PUDP: variants seen among roughly 807,000 people sequenced by gnomAD.
PUDP encodes pseudouridine 5'-phosphatase.
PUDP carries 8 observed loss-of-function variants against 9.4 expected under a neutral mutation model. The observed-to-expected ratio is 0.85, with a 90% CI of 0.50 to 1.53. PUDP has a LOEUF of 1.53. Ranked by LOEUF, PUDP falls within the 40% of genes most tolerant of loss-of-function variation. The probability of loss-of-function intolerance (pLI) is 0.00; values close to 1 mark genes in which losing one functional copy is unlikely to be tolerated. For missense variants in PUDP, 188 were observed against 189.7 expected, an observed-to-expected ratio of 0.99 and a Z score of 0.05; for synonymous variants, 99 against 80.7, an observed-to-expected ratio of 1.23 and a Z score of -1.22.
At chrX:6,714,640 TGATA>T (rs992762186) in intron 1 of PUDP, among the ~76,000 whole-genome samples, 2 of 110,954 alleles carry the variant, frequency 1.8e-5, no homozygotes, top group Non-Finnish European at 3.8e-5. Context: ...GATGATAGAA[TGATA>T]GATAAATGGA....
At chrX:7,061,295 G>T (rs761475162) in intron 3 of PUDP, among the ~76,000 whole-genome samples, 1 of 111,463 alleles carries the variant, frequency 9.0e-6, no homozygotes, top group African/African-American at 3.3e-5. Flanking sequence ...CCCATAACAT[G>T]TTATAATAAC....
At chrX:6,984,446 G>A (rs1054459352) in intron 1 of PUDP, among the ~76,000 whole-genome samples, 6 of 111,881 alleles carry the variant, frequency 5.4e-5, no homozygotes, top group Non-Finnish European at 1.1e-4. Flanking sequence ...TATTTTTTAA[G>A]GAAAAATATA....
intron 3 of PUDP, among the ~76,000 whole-genome samples, chrX:6,733,648 GA>G (rs1477238100): frequency 4.5e-5 from 5 of 110,240 alleles, no homozygotes; most frequent in Non-Finnish European, 9.5e-5. Context: ...AAGGGTGAAG[GA>G]AAGGTTTGGC....
chrX:6,913,576 G>A (rs1302670493), intron 3 of PUDP, among the ~76,000 whole-genome samples: 1 of 111,403 alleles, frequency 9.0e-6, no homozygotes, highest in Non-Finnish European at 1.9e-5. Context: ...TCTTTCAAAA[G>A]AGCATTGTTT....
chrX:7,106,144 T>C (rs1298248848), intron 1 of PUDP, among the ~76,000 whole-genome samples: 1 of 112,739 alleles, frequency 8.9e-6, no homozygotes, highest in African/African-American at 3.2e-5. Context: ...AAATATATCC[T>C]TGGAATGGTC....
intron 3 of PUDP, among the ~76,000 whole-genome samples, chrX:6,803,107 T>TAAAATAAAATAAAACAAAAC (rs1925990570): frequency 4.1e-5 from 4 of 98,520 alleles, no homozygotes; most frequent in Non-Finnish European, 8.1e-5. Context: ...TAAAATAAAA[T>TAAAATAAAATAAAACAAAAC]AAAATAAAAT....
intron 1 of PUDP, among the ~76,000 whole-genome samples, chrX:7,138,213 G>A (rs748058654): frequency 2.1e-4 from 23 of 111,347 alleles, no homozygotes; most frequent in African/African-American, 6.9e-4. Context: ...CTGGTGTCTC[G>A]ATAACCATCC....
intron 1 of PUDP, among the ~76,000 whole-genome samples, chrX:7,031,762 T>C (rs372733980): frequency 1.8e-5 from 2 of 112,252 alleles, no homozygotes; most frequent in African/African-American, 6.5e-5. Flanking sequence ...TGAACTTTGA[T>C]CCCTTACCCC....
chrX:6,860,475 G>T (rs55936520), intron 3 of PUDP, among the ~76,000 whole-genome samples: 7,065 of 96,909 alleles, frequency 0.073, 486 homozygotes, highest in East Asian at 0.4. Flanking sequence ...TTTGTTTTTT[G>T]TTTTTTGTTT....
intron 1 of PUDP, among the ~76,000 whole-genome samples, chrX:7,007,966 T>TA (rs1057098390): frequency 9.2e-6 from 1 of 108,163 alleles, no homozygotes; most frequent in Non-Finnish European, 1.9e-5. Context: ...ATAATAAAAT[T>TA]TTTTTTTTCT....
intron 3 of PUDP, among the ~76,000 whole-genome samples, chrX:6,855,535 C>G (rs1434487550): frequency 8.9e-6 from 1 of 111,734 alleles, no homozygotes; most frequent in African/African-American, 3.3e-5. Context: ...CCCCCAATCC[C>G]CATTAGATAC....
intron 1 of PUDP, among the ~76,000 whole-genome samples, chrX:6,707,721 C>T (rs186378588): frequency 5.5e-4 from 62 of 111,737 alleles, no homozygotes; most frequent in Admixed American, 1.1e-3. Context: ...CCTCACTAGC[C>T]CGCCACTCAT....
chrX:7,005,125 C>G (rs1246635441), intron 1 of PUDP, among the ~76,000 whole-genome samples: 1 of 111,121 alleles, frequency 9.0e-6, no homozygotes, highest in East Asian at 2.8e-4. Context: ...CTGCCTGGAG[C>G]AGCGCTAAGT....
At chrX:6,768,495 G>A (rs1454226750) in intron 3 of PUDP, among the ~76,000 whole-genome samples, 2 of 112,058 alleles carry the variant, frequency 1.8e-5, no homozygotes, top group Non-Finnish European at 3.8e-5. Context: ...CAGGATTGTA[G>A]GGAAAATTAA....
At chrX:7,077,144 T>C in intron 3 of PUDP, 76 bp downstream of exon 3, 1 of 1,140,516 alleles carries the variant, frequency 8.8e-7, no homozygotes, top group South Asian at 2.1e-5. Flanking sequence ...CTTTTCACAT[T>C]TAGCAAACAC....
At chrX:6,798,414 C>A (rs1345717167) in intron 3 of PUDP, among the ~76,000 whole-genome samples, 1 of 111,759 alleles carries the variant, frequency 8.9e-6, no homozygotes, top group Non-Finnish European at 1.9e-5. Flanking sequence ...CACAGCCAAA[C>A]CATATCATGT....
At chrX:6,992,333 C>T (rs750424243) in intron 1 of PUDP, among the ~76,000 whole-genome samples, 16 of 64,281 alleles carry the variant, frequency 2.5e-4, no homozygotes, top group Admixed American at 6.3e-4. Context: ...AGTGCAGTGG[C>T]GCAATCTCGG....
At chrX:6,753,526 T>C (rs1925132344) in intron 3 of PUDP, among the ~76,000 whole-genome samples, 1 of 112,259 alleles carries the variant, frequency 8.9e-6, no homozygotes, top group Non-Finnish European at 1.9e-5. Flanking sequence ...AGTTCTACTT[T>C]TAGTTCTTTA....
At chrX:6,810,961 T>C (rs920081944) in intron 3 of PUDP, among the ~76,000 whole-genome samples, 1 of 111,406 alleles carries the variant, frequency 9.0e-6, no homozygotes, top group Non-Finnish European at 1.9e-5. Flanking sequence ...GGCAACAGGC[T>C]GTATGTAATT....
Sources: allele counts gnomAD v4.1 joint callset (sites outside exome capture counted in the v4.1 genomes callset), GRCh38; gene constraint gnomAD v4.1.1; transcripts MANE v1.5; gene names NCBI Gene and HGNC (gene_info 2026-07-23, HGNC 2026-07-21).